KCND2: variants seen among roughly 807,000 people sequenced by gnomAD.
KCND2 encodes potassium voltage-gated channel subfamily D member 2.
KCND2 carries 16 observed loss-of-function variants against 54.4 expected under a neutral mutation model. The ratio of observed to expected loss-of-function variants is 0.29; its 90% CI spans 0.20 to 0.45. The LOEUF (loss-of-function observed/expected upper bound fraction) is 0.45. KCND2 is among the 20% of genes least tolerant of loss of function. The pLI is 1.00. For missense variants in KCND2, 486 were observed against 824.2 expected, an observed-to-expected ratio of 0.59 and a Z score of 5.02; for synonymous variants, 317 against 310.7, an observed-to-expected ratio of 1.02 and a Z score of -0.21.
chr7:120,728,865 AT>A (rs567495346), intron 1 of KCND2, among the ~76,000 whole-genome samples: 246 of 152,116 alleles, frequency 1.6e-3, no homozygotes, highest in African/African-American at 5.3e-3. Context: ...AATGAGATAT[AT>A]TTTTTTATAT....
chr7:120,600,230 C>T (rs73441843), intron 1 of KCND2, among the ~76,000 whole-genome samples: 12,904 of 151,804 alleles, frequency 0.085, 632 homozygotes, highest in South Asian at 0.09. Context: ...CAATGACACT[C>T]CATAATCCAT....
intron 1 of KCND2, among the ~76,000 whole-genome samples, chr7:120,288,839 G>A (rs1193337520): frequency 6.6e-6 from 1 of 152,036 alleles, no homozygotes; most frequent in Admixed American, 6.6e-5. Flanking sequence ...AAACCCAAAT[G>A]TTACTTAGTT....
intron 1 of KCND2, among the ~76,000 whole-genome samples, chr7:120,430,164 T>A (rs1384111139): frequency 1.3e-5 from 2 of 152,122 alleles, no homozygotes; most frequent in African/African-American, 2.4e-5. Flanking sequence ...GAGATCAAGG[T>A]GCTAGCATGC....
rs145253162 is a variant in KCND2 at position 120,716,323 on chromosome 7, GA to G, written c.1116-16572del. On this transcript the variant is annotated intron_variant, in intron 1 of 5. Transcript: ENST00000331113. ...TTTTATTTCATAGAGTTTAATTTAAGAAAAAAAATGGCCACTTATGACTTTC... is the reference window on the plus strand; with the variant it reads ...TTTTATTTCATAGAGTTTAATTTAAGAAAAAAATGGCCACTTATGACTTTC... Among the ~76,000 whole-genome samples the G allele has an allele frequency of 6.6e-5, 10 of 151,798 alleles. No individual in the cohort carries two copies. The East Asian group carries it at 7.7e-4, about 12-fold the overall frequency.
chr7:120,384,129 T>G (rs1800954121), intron 1 of KCND2, among the ~76,000 whole-genome samples: 1 of 152,092 alleles, frequency 6.6e-6, no homozygotes, highest in Non-Finnish European at 1.5e-5. Flanking sequence ...TAATGCAAGG[T>G]AAATACGATG....
At chr7:120,537,646 A>G (rs984898047) in intron 1 of KCND2, among the ~76,000 whole-genome samples, 5 of 152,326 alleles carry the variant, frequency 3.3e-5, no homozygotes, top group African/African-American at 1.2e-4. Context: ...CAAGATCTGG[A>G]AAACGTGTTG....
At chr7:120,535,287 CT>C (rs549005937) in intron 1 of KCND2, among the ~76,000 whole-genome samples, 166 of 152,194 alleles carry the variant, frequency 1.1e-3, no homozygotes, top group Admixed American at 1.5e-3. Flanking sequence ...TATTTGGACA[CT>C]TTTAGTCATA....
intron 1 of KCND2, among the ~76,000 whole-genome samples, chr7:120,402,004 ATAAG>A (rs1801261662): frequency 6.6e-6 from 1 of 152,166 alleles, no homozygotes; most frequent in African/African-American, 2.4e-5. Context: ...ATATTTCTGA[ATAAG>A]TAACCAAAAT....
chr7:120,476,701 T>C (rs955476064), intron 1 of KCND2, among the ~76,000 whole-genome samples: 1 of 152,170 alleles, frequency 6.6e-6, no homozygotes, highest in Admixed American at 6.5e-5. Context: ...ACGAATTTCA[T>C]CTTACTCCTA....
At chr7:120,470,818 A>C (rs879936441) in intron 1 of KCND2, among the ~76,000 whole-genome samples, 1 of 150,128 alleles carries the variant, frequency 6.7e-6, no homozygotes, top group South Asian at 2.1e-4. Flanking sequence ...ATTACATGAC[A>C]TTATATTTAA....
chr7:120,317,201 A>T (rs1799825223), intron 1 of KCND2, among the ~76,000 whole-genome samples: 2 of 152,180 alleles, frequency 1.3e-5, no homozygotes, highest in Non-Finnish European at 2.9e-5. Flanking sequence ...AGTATTATAT[A>T]TATCAAACTT....
intron 1 of KCND2, among the ~76,000 whole-genome samples, chr7:120,417,038 G>T (rs1175796538): frequency 6.6e-6 from 1 of 152,084 alleles, no homozygotes; most frequent in African/African-American, 2.4e-5. Context: ...TAGCGATGGG[G>T]CTTCACCATG....
chr7:120,551,251 T>A (rs1169639712), intron 1 of KCND2, among the ~76,000 whole-genome samples: 1 of 152,234 alleles, frequency 6.6e-6, no homozygotes, highest in Non-Finnish European at 1.5e-5. Context: ...TTAAATAAAG[T>A]GCTATACAAT....
At chr7:120,378,365 A>T (rs979843778) in intron 1 of KCND2, among the ~76,000 whole-genome samples, 5 of 152,038 alleles carry the variant, frequency 3.3e-5, no homozygotes, top group Admixed American at 1.3e-4. Context: ...TGAAATGTAA[A>T]TTTTACACCA....
intron 1 of KCND2, among the ~76,000 whole-genome samples, chr7:120,634,732 ATTCTTCT>A (rs1793282856): frequency 6.6e-6 from 1 of 152,188 alleles, no homozygotes; most frequent in Non-Finnish European, 1.5e-5. Context: ...TAACCATGTT[ATTCTTCT>A]TTCTAAAACC....
At chr7:120,741,108 AT>A (rs1247165384) in intron 2 of KCND2, among the ~76,000 whole-genome samples, 1 of 151,838 alleles carries the variant, frequency 6.6e-6, no homozygotes. Flanking sequence ...TTAGTTACTA[AT>A]TTTTTTAAGG....
chr7:120,569,805 A>G (rs1254499622), intron 1 of KCND2, among the ~76,000 whole-genome samples: 3 of 152,172 alleles, frequency 2.0e-5, no homozygotes, highest in African/African-American at 2.4e-5. Flanking sequence ...ATAAACTGAG[A>G]TTCTAAGATA....
chr7:120,340,865 G>A (rs1800229779), intron 1 of KCND2, among the ~76,000 whole-genome samples: 1 of 152,104 alleles, frequency 6.6e-6, no homozygotes, highest in Non-Finnish European at 1.5e-5. Flanking sequence ...GGCAAAATGT[G>A]GTTTAAAGCA....
intron 1 of KCND2, among the ~76,000 whole-genome samples, chr7:120,596,013 C>T (rs186224631): frequency 5.3e-4 from 81 of 152,004 alleles, no homozygotes; most frequent in Non-Finnish European, 1.1e-3. Flanking sequence ...TTTTATTTGC[C>T]GTTTTGTTAG....
Sources: gnomAD v4.1 joint callset for allele counts (sites outside exome capture counted in the v4.1 genomes callset) on GRCh38, gnomAD v4.1.1 for gene constraint, MANE v1.5 for transcripts, NCBI Gene and HGNC (gene_info 2026-07-23, HGNC 2026-07-21) for gene names.